UGCG: variants seen among roughly 807,000 people sequenced by gnomAD.
The protein encoded by UGCG is UDP-glucose ceramide glucosyltransferase, also known as ceramide glucosyltransferase.
In UGCG, 10 loss-of-function variants were observed where a neutral mutation model predicts 49.5. The ratio of observed to expected loss-of-function variants is 0.20; its 90% CI spans 0.12 to 0.34. The LOEUF (loss-of-function observed/expected upper bound fraction) is 0.34. Ranked by LOEUF, UGCG falls within the 10% of genes least tolerant of loss-of-function variation. UGCG has a pLI of 1.00. For missense variants in UGCG, 312 were observed against 483.7 expected (o/e 0.65, Z 3.33); for synonymous variants, 182 against 158.2 (o/e 1.15, Z -1.13).
Position 111,924,769 on chromosome 9 carries a change from A to G in UGCG, c.344-8A>G, listed in dbSNP as rs776062074. On this transcript the variant is annotated splice_polypyrimidine_tract_variant and splice_region_variant and intron_variant, in intron 3 of 8. Coordinates refer to ENST00000374279, the MANE Select transcript of UGCG (RefSeq NM_003358.3). ...AAATCTTTTACTACTGTACCTTTACATTTTTAGGTGGCAAAAAAGTTGGCA... is the reference window on the plus strand; with the variant it reads ...AAATCTTTTACTACTGTACCTTTACGTTTTTAGGTGGCAAAAAAGTTGGCA... The G allele has an allele frequency of 6.7e-7, 1 of 1,493,124 alleles. No individual in the cohort carries two copies. Among genetic ancestry groups the G allele is most frequent in the Admixed American group, 2.3e-5 (1 of 42,746 alleles). The allele number at this position is 1,493,124 out of a possible 1,614,324, so 92.5% of individuals were successfully genotyped here.
intron 1 of UGCG, among the ~76,000 whole-genome samples, chr9:111,909,474 A>G (rs779032720): frequency 2.0e-5 from 3 of 152,236 alleles, no homozygotes; most frequent in Admixed American, 1.3e-4. Context: ...ACGATTCTCC[A>G]GAGCAAAGCT....
chr9:111,920,915 T>G (rs56360233), intron 2 of UGCG, among the ~76,000 whole-genome samples: 2 of 123,098 alleles, frequency 1.6e-5, no homozygotes, highest in South Asian at 2.3e-4. Context: ...GTTTTGTTTT[T>G]TTTTTGAGAT....
Position 111,897,151 on chromosome 9 carries a change from C to T in UGCG, c.-65C>T. The T allele has an allele frequency of 4.1e-6, 6 of 1,464,936 alleles. No homozygotes were observed. Among genetic ancestry groups the T allele is most frequent in the South Asian group, 2.5e-5 (2 of 81,074 alleles). The allele number at this position is 1,464,936 out of a possible 1,614,324, so 90.7% of individuals were successfully genotyped here. The stretch of plus-strand genomic sequence containing the variant: ...CGCACCGGGCGCCCACCCTGTCCTC[C>T]TCCTGCGGGAGCGTTGTCCGTGTTG... On this transcript the variant is annotated 5_prime_UTR_variant, in exon 1 of 9. Transcript: ENST00000374279.
At chr9:111,913,723 T>A (rs910254565) in intron 1 of UGCG, among the ~76,000 whole-genome samples, 5 of 151,632 alleles carry the variant, frequency 3.3e-5, no homozygotes, top group African/African-American at 9.7e-5. Flanking sequence ...TACACAGGTG[T>A]GAGCCACCAC....
intron 6 of UGCG, 128 bp downstream of exon 6, chr9:111,929,806 G>A: frequency 9.5e-7 from 1 of 1,049,668 alleles, no homozygotes; most frequent in African/African-American, 1.7e-5. Context: ...GTACAGAATA[G>A]GTCAATAATT....
intron 1 of UGCG, among the ~76,000 whole-genome samples, chr9:111,909,021 T>C (rs970612341): frequency 1.3e-5 from 2 of 152,134 alleles, no homozygotes; most frequent in African/African-American, 4.8e-5. Context: ...CAGGTTCAAG[T>C]CATTCTTGTG....
At chr9:111,905,967 G>A (rs1021447056) in intron 1 of UGCG, among the ~76,000 whole-genome samples, 18 of 152,140 alleles carry the variant, frequency 1.2e-4, no homozygotes, top group African/African-American at 4.3e-4. Context: ...AGAACATACT[G>A]TGTATTATTG....
At chr9:111,915,834 TA>T in intron 2 of UGCG, 1 of 982,302 alleles carries the variant, frequency 1.0e-6, no homozygotes, top group Non-Finnish European at 1.2e-6. Flanking sequence ...CAGCACTTAT[TA>T]AGTAGGTAGA....
intron 5 of UGCG, 107 bp from the exon 6 acceptor site, chr9:111,929,391 GAT>G: frequency 8.8e-7 from 1 of 1,130,510 alleles, no homozygotes; most frequent in Non-Finnish European, 1.2e-6. Context: ...AGAATAATAA[GAT>G]ATTCACTCAA....
At chr9:111,912,029 G>GATATATATATAT (rs60468274) in intron 1 of UGCG, among the ~76,000 whole-genome samples, 4,416 of 63,704 alleles carry the variant, frequency 0.069, 669 homozygotes, top group East Asian at 0.14. Flanking sequence ...TATTCAACAG[G>GATATATATATAT]ATATATATAT....
chr9:111,921,286 A>G (rs1032382881), intron 2 of UGCG, among the ~76,000 whole-genome samples: 4 of 152,132 alleles, frequency 2.6e-5, no homozygotes, highest in African/African-American at 9.7e-5. Flanking sequence ...GGGGAAAAAA[A>G]TCACTACTTA....
chr9:111,897,209 C>T lies in UGCG; in HGVS notation c.-7C>T. 2 of 1,543,678 alleles carry T rather than the reference C, an allele frequency of 1.3e-6. No individual in the cohort carries two copies. The highest frequency in any genetic ancestry group is 8.7e-7 in the Non-Finnish European group (1 of 1,146,190). ...CAGCGGGCCGGGCCGGTCCGGCGGG[C>T]CGGGGGATGGCGCTGCTGGACCTGG... On this transcript the variant is annotated 5_prime_UTR_variant, in exon 1 of 9. Coordinates refer to ENST00000374279, the MANE Select transcript of UGCG (RefSeq NM_003358.3).
At chr9:111,921,411 G>A (rs1838219222) in intron 2 of UGCG, among the ~76,000 whole-genome samples, 1 of 151,946 alleles carries the variant, frequency 6.6e-6, no homozygotes, top group Non-Finnish European at 1.5e-5. Context: ...CAGCACTTTG[G>A]GAGGCAGAGG....
chr9:111,924,297 A>C (rs2118578524), intron 3 of UGCG, among the ~76,000 whole-genome samples: 1 of 152,330 alleles, frequency 6.6e-6, no homozygotes, highest in South Asian at 2.1e-4. Flanking sequence ...GGAATAGCTA[A>C]ATTAAGTTAA....
intron 2 of UGCG, among the ~76,000 whole-genome samples, chr9:111,921,801 G>GTTTTTTTTTTTTTTT (rs1564203243): frequency 2.1e-5 from 1 of 48,064 alleles, no homozygotes; most frequent in African/African-American, 9.2e-5. Context: ...GCCCCAGGGT[G>GTTTTTTTTTTTTTTT]ATTTTTTTTT....
At position 111,896,899 on chromosome 9, in the gene UGCG, T is replaced by G; in HGVS notation, c.-317T>G. 6.2e-6 allele frequency: 1 copy of G among 161,284 alleles called. No homozygotes were observed. The highest frequency in any genetic ancestry group is 1.3e-5 in the Non-Finnish European group (1 of 74,956). 10.0% of individuals were successfully genotyped at this position (161,284 alleles called of 1,614,324 possible). A position where few individuals can be genotyped will look rare whatever the true frequency, so the allele number is the denominator to read the frequency against. On this transcript the variant is annotated 5_prime_UTR_variant, in exon 1 of 9. Transcript: ENST00000374279. ...GCGGCGGAGGTGCCCGCGCGCAGGG[T>G]CTGGTGGGCGGCCGCGAGGCTCGGG...
rs186979142 is a variant in UGCG at position 111,928,734 on chromosome 9, A to C, written c.559-766A>C. On this transcript the variant is annotated intron_variant, in intron 5 of 8. Transcript: ENST00000374279. ...TGTGTAACTCCTAAGAAAGATGACT[A>C]CTCTTTATTTCAGGCTAATTAGAAA... Among the ~76,000 whole-genome samples the C allele has an allele frequency of 2.6e-5, 4 of 152,166 alleles. No homozygotes were observed. The East Asian group carries it at 7.7e-4, about 29-fold the overall frequency.
chr9:111,901,319 A>G (rs62572656), intron 1 of UGCG, among the ~76,000 whole-genome samples: 24,796 of 152,108 alleles, frequency 0.16, 2,530 homozygotes, highest in African/African-American at 0.29. Flanking sequence ...TTGGTGTTCC[A>G]AGCCTTAGTG....
intron 1 of UGCG, among the ~76,000 whole-genome samples, chr9:111,911,118 A>G (rs533430131): frequency 6.6e-6 from 1 of 152,210 alleles, no homozygotes; most frequent in African/African-American, 2.4e-5. Flanking sequence ...TCTTCCCTCT[A>G]TGGACCAGGA....
Sources: gnomAD v4.1 joint callset for allele counts (sites outside exome capture counted in the v4.1 genomes callset) on GRCh38, gnomAD v4.1.1 for gene constraint, MANE v1.5 for transcripts, NCBI Gene and HGNC (gene_info 2026-07-23, HGNC 2026-07-21) for gene names.